The following PSMA2 variants were observed in gnomAD, a reference collection of about 807,000 sequenced individuals.
The protein encoded by PSMA2 is proteasome subunit alpha type-2.
PSMA2 carries 2 observed loss-of-function variants against 35.9 expected under a neutral mutation model. The observed-to-expected ratio is 0.06, with a 90% CI of 0.02 to 0.18. The LOEUF (loss-of-function observed/expected upper bound fraction) is 0.18, where lower values mean the gene tolerates loss of function less well. Among genes scored for constraint, PSMA2 ranks in the 10% least tolerant of loss-of-function variants. The pLI, the probability that PSMA2 is intolerant of heterozygous loss-of-function variation, is 1.00. For missense variants in PSMA2, 126 were observed against 278.8 expected, an observed-to-expected ratio of 0.45 and a Z score of 3.90; for synonymous variants, 97 against 98.2, an observed-to-expected ratio of 0.99 and a Z score of 0.07.
In PSMA2 at chr7:42,924,700, C is replaced by A; in HGVS notation, c.349G>T (p.Val117Leu). 6.2e-7 allele frequency: 1 copy of A among 1,612,860 alleles called. No individual in the cohort carries two copies. Among genetic ancestry groups the A allele is most frequent in the South Asian group, 1.1e-5 (1 of 90,974 alleles). Residue 117 changes from valine to leucine, a missense_variant, in exon 4 of 8, where the codon GTG (valine) becomes TTG (leucine). Physicochemically the swap from Val to Leu is conservative, Grantham distance 32. Coordinates refer to ENST00000223321, the MANE Select transcript of PSMA2 (RefSeq NM_002787.5). The part of the protein sequence containing the change: ...TAQLVQRVAS[V>L]MQEYTQSGGV... ...CCTGACTGAGTATATTCTTGCATCA[C>A]AGAAGCTACTCTCTGTACCAGCTGA...
intron 6 of PSMA2, chr7:42,919,919 A>G: frequency 1.3e-6 from 1 of 755,594 alleles, no homozygotes; most frequent in Admixed American, 1.7e-5. Flanking sequence ...TGAGACTGGC[A>G]AACTGTGGTA....
At chr7:42,926,502 G>T in intron 3 of PSMA2, 34 bp downstream of exon 3, 1 of 1,517,138 alleles carries the variant, frequency 6.6e-7, no homozygotes, top group Non-Finnish European at 8.8e-7. Context: ...CAATTCATGA[G>T]ATGGTGAGAA....
At chr7:42,931,406 A>G (rs992559010) in intron 1 of PSMA2, among the ~76,000 whole-genome samples, 2 of 152,184 alleles carry the variant, frequency 1.3e-5, no homozygotes, top group Non-Finnish European at 2.9e-5. Context: ...TATTTTGGAA[A>G]GTAAACTTAT....
At chr7:42,920,702 T>C (rs927516980) in intron 6 of PSMA2, 5 of 152,198 alleles carry the variant, frequency 3.3e-5, no homozygotes, top group Non-Finnish European at 1.5e-5. Flanking sequence ...GAGCCTAAGA[T>C]TAAGTTTACC....
intron 3 of PSMA2, among the ~76,000 whole-genome samples, 162 bp from the exon 4 acceptor site, chr7:42,924,959 T>C (rs755090116): frequency 2.1e-4 from 32 of 152,218 alleles, no homozygotes; most frequent in African/African-American, 5.5e-4. Flanking sequence ...TGGATTCCAG[T>C]TGATATAGAA....
At chr7:42,928,307 TA>T (rs1260170290) in intron 1 of PSMA2, among the ~76,000 whole-genome samples, 2 of 152,224 alleles carry the variant, frequency 1.3e-5, no homozygotes, top group Non-Finnish European at 2.9e-5. Context: ...ATAGTAATGT[TA>T]TTAAGAACAT....
At chr7:42,925,657 T>C (rs1007102923) in intron 3 of PSMA2, among the ~76,000 whole-genome samples, 3 of 152,226 alleles carry the variant, frequency 2.0e-5, no homozygotes, top group Admixed American at 1.3e-4. Flanking sequence ...TCAAATATAT[T>C]AGCAAGACAA....
At position 42,926,594 on chromosome 7, in the gene PSMA2, C is replaced by T; in HGVS notation, c.193G>A (p.Val65Ile). ...CCTATATGCTTGGTAATTGGTTCTA[C>T]TTTGTGTACACTTCGCTCATCATAC... ...ILYDERSVHK[V>I]EPITKHIGLV... The change falls in exon 3 of 8, where the codon GTA becomes ATA. Residue 65 changes from valine (V) to isoleucine (I), a missense_variant. Around this residue, in one of 3 missense-constraint regions of PSMA2, gnomAD observed 78 missense variants for 151.1 expected, o/e 0.52. Transcript: ENST00000223321. 1 of 1,612,120 alleles carries T rather than the reference C, an allele frequency of 6.2e-7. No homozygotes were observed. Among genetic ancestry groups the T allele is most frequent in the Non-Finnish European group, 8.5e-7 (1 of 1,179,482 alleles).
At chr7:42,919,205 G>C in intron 6 of PSMA2, 1 of 606,154 alleles carries the variant, frequency 1.6e-6, no homozygotes, top group Non-Finnish European at 3.2e-6. Context: ...GACTGGATTG[G>C]AACAATTTTG....
At chr7:42,930,129 T>C (rs2128675028) in intron 1 of PSMA2, among the ~76,000 whole-genome samples, 1 of 152,278 alleles carries the variant, frequency 6.6e-6, no homozygotes, top group East Asian at 1.9e-4. Context: ...CCTTCCACCA[T>C]TAGTTTACTT....
intron 1 of PSMA2, 80 bp from the exon 2 acceptor site, chr7:42,927,539 A>C: frequency 7.2e-7 from 1 of 1,380,074 alleles, no homozygotes; most frequent in African/African-American, 1.4e-5. Flanking sequence ...TAGTACAGAC[A>C]TACAGGTCAA....
At chr7:42,924,516 T>A (rs1326288606) in intron 4 of PSMA2, among the ~76,000 whole-genome samples, 159 bp downstream of exon 4, 1 of 152,094 alleles carries the variant, frequency 6.6e-6, no homozygotes, top group Non-Finnish European at 1.5e-5. Context: ...AAATAAATAC[T>A]CCAGAGCCAG....
chr7:42,920,840 G>A (rs1371753264), intron 6 of PSMA2: 1 of 152,132 alleles, frequency 6.6e-6, no homozygotes, highest in Non-Finnish European at 1.5e-5. Context: ...ATGAAATCCT[G>A]TCATTTGCAG....
At chr7:42,929,261 A>G (rs1786258162) in intron 1 of PSMA2, among the ~76,000 whole-genome samples, 1 of 152,228 alleles carries the variant, frequency 6.6e-6, no homozygotes, top group African/African-American at 2.4e-5. Context: ...GAATAACATC[A>G]ACTGACATTT....
intron 5 of PSMA2, among the ~76,000 whole-genome samples, chr7:42,922,702 T>C (rs922362691): frequency 3.9e-5 from 6 of 152,198 alleles, no homozygotes; most frequent in Admixed American, 3.9e-4. Flanking sequence ...TTATAAGGTT[T>C]GCATTGAGTG....
chr7:42,931,116 T>C, intron 1 of PSMA2: 1 of 446,584 alleles, frequency 2.2e-6, no homozygotes, highest in Non-Finnish European at 4.5e-6. Context: ...AGACAAGTTG[T>C]TTAATTTGTA....
At chr7:42,926,114 G>A (rs905684663) in intron 3 of PSMA2, among the ~76,000 whole-genome samples, 12 of 152,124 alleles carry the variant, frequency 7.9e-5, no homozygotes, top group African/African-American at 2.7e-4. Context: ...TGAAGAACAG[G>A]AAAAAAGATA....
In PSMA2 at chr7:42,923,187, C is replaced by T. The variant is rs1048441435; in HGVS notation, c.456+138G>A. 21 of 658,498 alleles carry T rather than the reference C, an allele frequency of 3.2e-5. 1 individual carries two copies. The highest frequency in any genetic ancestry group is 3.0e-4 in the African/African-American group (16 of 54,222). 40.8% of individuals were successfully genotyped at this position (658,498 alleles called of 1,614,324 possible). ...AATTTTAAATATACACACAAAAATGCACAACCTCATACTTTCTAAAGCCCA... is the reference window on the plus strand; with the variant it reads ...AATTTTAAATATACACACAAAAATGTACAACCTCATACTTTCTAAAGCCCA... On this transcript the variant is annotated intron_variant, in intron 5 of 7. Coordinates refer to ENST00000223321, the MANE Select transcript of PSMA2 (RefSeq NM_002787.5).
intron 1 of PSMA2, among the ~76,000 whole-genome samples, chr7:42,928,237 T>C (rs1786243712): frequency 6.6e-6 from 1 of 152,196 alleles, no homozygotes; most frequent in African/African-American, 2.4e-5. Flanking sequence ...ATTGTTGTGA[T>C]TAAGTGAAGT....
Sources: allele counts gnomAD v4.1 joint callset (sites outside exome capture counted in the v4.1 genomes callset), GRCh38; gene constraint gnomAD v4.1.1; regional missense constraint gnomAD v4.1.1; transcripts MANE v1.5; gene names NCBI Gene and HGNC (gene_info 2026-07-23, HGNC 2026-07-21).